Variants in FUT8 observed in about 807,000 individuals in gnomAD.
The protein encoded by FUT8 is fucosyltransferase 8.
Under a neutral mutation model 71.3 loss-of-function variants are expected in FUT8, and 29 were observed. The observed-to-expected ratio is 0.41, with a 90% CI of 0.30 to 0.55. The LOEUF (loss-of-function observed/expected upper bound fraction) is 0.55, where lower values mean the gene tolerates loss of function less well. FUT8 is among the 20% of genes least tolerant of loss of function. The probability of loss-of-function intolerance (pLI) is 0.34; values close to 1 mark genes in which losing one functional copy is unlikely to be tolerated. For missense variants in FUT8, 544 were observed against 702.1 expected (o/e 0.77, Z 2.55); for synonymous variants, 254 against 239.3 (o/e 1.06, Z -0.57).
intron 2 of FUT8, among the ~76,000 whole-genome samples, chr14:65,545,205 G>T (rs138381427): frequency 6.6e-6 from 1 of 151,580 alleles, no homozygotes; most frequent in Non-Finnish European, 1.5e-5. Flanking sequence ...CCCTTTTCCC[G>T]TATAGGGAGC....
At chr14:65,569,083 T>C (rs1886345020) in intron 3 of FUT8, among the ~76,000 whole-genome samples, 1 of 151,832 alleles carries the variant, frequency 6.6e-6, no homozygotes, top group Non-Finnish European at 1.5e-5. Flanking sequence ...TTTCATAGTC[T>C]CTGAGAAGTC....
chr14:65,736,581 A>G (rs1465810989), intron 10 of FUT8, among the ~76,000 whole-genome samples: 1 of 152,010 alleles, frequency 6.6e-6, no homozygotes, highest in Non-Finnish European at 1.5e-5. Context: ...TTCAGAAACA[A>G]AAGTTCTTCA....
Position 65,446,957 on chromosome 14 carries a change from C to T in FUT8, c.-325-8664C>T, listed in dbSNP as rs373471694. Among the ~76,000 whole-genome samples the T allele has an allele frequency of 9.2e-5, 14 of 152,264 alleles. 3 individuals are homozygous for T. The highest frequency in any genetic ancestry group is 3.4e-4 in the African/African-American group (14 of 41,556). On this transcript the variant is annotated intron_variant, in intron 1 of 10. Coordinates refer to ENST00000673929, the MANE Select transcript of FUT8 (RefSeq NM_001371533.1). ...TAACTGGGACTACAGGCACGTACCACCACACCCGACTCTGCTATTGTTTCT... is the reference window on the plus strand; with the variant it reads ...TAACTGGGACTACAGGCACGTACCATCACACCCGACTCTGCTATTGTTTCT...
rs10483783 is a variant in FUT8, at chr14:65,616,485, A to G, written c.482+112A>G. ...AGTGGTAAATATTAATAGCACCTAC[A>G]ATATTTAAGAGGCGAAGAGTACCTG... On this transcript the variant is annotated intron_variant, in intron 5 of 10. Coordinates refer to ENST00000673929, the MANE Select transcript of FUT8 (RefSeq NM_001371533.1). The G allele has an allele frequency of 0.059, 55,938 of 943,204 alleles. 1,846 individuals carry two copies. Among genetic ancestry groups the G allele is most frequent in the Admixed American group, 0.11 (4,198 of 39,196 alleles). The allele number at this position is 943,204 out of a possible 1,614,324, so 58.4% of individuals were successfully genotyped here. A position where few individuals can be genotyped will look rare whatever the true frequency, so the allele number is the denominator to read the frequency against.
intron 7 of FUT8, among the ~76,000 whole-genome samples, chr14:65,680,875 T>C (rs988490046): frequency 2.0e-5 from 3 of 152,196 alleles, no homozygotes; most frequent in Non-Finnish European, 4.4e-5. Flanking sequence ...TATAAGCTCC[T>C]TCACATAAAC....
At position 65,467,790 on chromosome 14, in the gene FUT8, AT is replaced by A. The variant is rs576544312; in HGVS notation, c.-228+12080del. Reference sequence around the variant, plus strand: ...TGCCCAGCCAGTCTAGAGGTCTTTTATTTTTTTTAACACCTGTTATGCTATG... The same window carrying A: ...TGCCCAGCCAGTCTAGAGGTCTTTTATTTTTTTAACACCTGTTATGCTATG... On this transcript the variant is annotated intron_variant, in intron 2 of 10. Coordinates refer to ENST00000673929, the MANE Select transcript of FUT8 (RefSeq NM_001371533.1). The surrounding 1 kb of genome is among the most constrained non-coding windows in gnomAD (Gnocchi z 4.1). 1.4e-4 allele frequency: 101 copies of A among 706,578 alleles called. No individual in the cohort carries two copies. Among genetic ancestry groups the A allele is most frequent in the Non-Finnish European group, 1.7e-4 (64 of 376,022 alleles). The allele number at this position is 706,578 out of a possible 1,614,324, so 43.8% of individuals were successfully genotyped here. A position where few individuals can be genotyped will look rare whatever the true frequency, so the allele number is the denominator to read the frequency against.
chr14:65,676,950 C>T (rs560715954), intron 7 of FUT8, among the ~76,000 whole-genome samples: 2 of 152,068 alleles, frequency 1.3e-5, no homozygotes, highest in East Asian at 3.9e-4. Flanking sequence ...GTCTCCCTTC[C>T]CCAGGATTAT....
At chr14:65,526,904 G>A (rs1883512870) in intron 2 of FUT8, among the ~76,000 whole-genome samples, 1 of 152,166 alleles carries the variant, frequency 6.6e-6, no homozygotes, top group Non-Finnish European at 1.5e-5. Context: ...ACTCTCTTCT[G>A]GCTTGTAGAG....
At chr14:65,720,660 C>T (rs768981205) in intron 7 of FUT8, among the ~76,000 whole-genome samples, 2 of 152,146 alleles carry the variant, frequency 1.3e-5, no homozygotes, top group Admixed American at 6.5e-5. Context: ...CAATGACTCT[C>T]GAACCCAGCA....
At chr14:65,653,751 T>C (rs1007307443) in intron 6 of FUT8, among the ~76,000 whole-genome samples, 34 of 152,332 alleles carry the variant, frequency 2.2e-4, no homozygotes, top group African/African-American at 8.2e-4. Context: ...TTGCCCATTC[T>C]GGTCTCAAAC....
chr14:65,485,073 A>T (rs1337717245), intron 2 of FUT8, among the ~76,000 whole-genome samples: 1 of 152,064 alleles, frequency 6.6e-6, no homozygotes, highest in Non-Finnish European at 1.5e-5. Context: ...GTGGTGGCTC[A>T]TGCCTGTAAT....
At chr14:65,450,361 C>G (rs909884733) in intron 1 of FUT8, among the ~76,000 whole-genome samples, 1 of 151,998 alleles carries the variant, frequency 6.6e-6, no homozygotes, top group African/African-American at 2.4e-5. Context: ...ATGGAGATAA[C>G]TTAAGATGTT....
chr14:65,733,408 T>G, intron 10 of FUT8, 27 bp downstream of exon 10: 1 of 1,524,236 alleles, frequency 6.6e-7, no homozygotes, highest in East Asian at 2.4e-5. Flanking sequence ...CATTTTAAAA[T>G]AACCAATACT....
intron 2 of FUT8, among the ~76,000 whole-genome samples, chr14:65,530,548 A>G (rs1212420664): frequency 6.6e-6 from 1 of 152,150 alleles, no homozygotes; most frequent in Non-Finnish European, 1.5e-5. Context: ...ATTATATGTA[A>G]AATTTCATTT....
Position 65,574,754 on chromosome 14 carries a change from A to G in FUT8, c.203+12988A>G, listed in dbSNP as rs1358260783. Among the ~76,000 whole-genome samples, 4 of 152,204 alleles carry G rather than the reference A, an allele frequency of 2.6e-5. No homozygotes were observed. Among genetic ancestry groups the G allele is most frequent in the Non-Finnish European group, 5.9e-5 (4 of 68,038 alleles). ...GTTACCACATGATTTCAGACTAAAC[A>G]TTTCAATCACAGTGAACTTCATTGT... is the stretch of plus-strand genomic sequence containing the variant. On this transcript the variant is annotated intron_variant, in intron 3 of 10. Coordinates refer to ENST00000673929, the MANE Select transcript of FUT8 (RefSeq NM_001371533.1). The surrounding 1 kb of genome is among the most constrained non-coding windows in gnomAD (Gnocchi z 5.2).
intron 1 of FUT8, among the ~76,000 whole-genome samples, chr14:65,420,397 G>A (rs2065275635): frequency 6.6e-6 from 1 of 152,104 alleles, no homozygotes; most frequent in Admixed American, 6.5e-5. Flanking sequence ...GATTACAGGT[G>A]TGAGCCACCA....
chr14:65,729,837 G>A (rs761652469), intron 9 of FUT8, among the ~76,000 whole-genome samples: 3 of 152,158 alleles, frequency 2.0e-5, no homozygotes, highest in Non-Finnish European at 4.4e-5. Flanking sequence ...CCTGCCAGTG[G>A]TAGTCCAGGC....
At chr14:65,601,555 T>G (rs1325406141) in intron 3 of FUT8, among the ~76,000 whole-genome samples, 1 of 152,116 alleles carries the variant, frequency 6.6e-6, no homozygotes, top group African/African-American at 2.4e-5. Flanking sequence ...GTTTAAAAAA[T>G]TTTTTCTTAT....
intron 7 of FUT8, among the ~76,000 whole-genome samples, chr14:65,680,391 G>C (rs1892981474): frequency 6.6e-6 from 1 of 152,126 alleles, no homozygotes; most frequent in African/African-American, 2.4e-5. Flanking sequence ...ATAAGATAAG[G>C]GTTAAGACCA....
Sources: gnomAD v4.1 joint callset for allele counts (sites outside exome capture counted in the v4.1 genomes callset) on GRCh38, gnomAD v4.1.1 for gene constraint, Gnocchi (gnomAD v3.1) non-coding constraint, MANE v1.5 for transcripts, NCBI Gene and HGNC (gene_info 2026-07-23, HGNC 2026-07-21) for gene names.